Variants in BRF1 observed in about 807,000 individuals in gnomAD.
BRF1 encodes transcription factor IIIB 90 kDa subunit.
Under a neutral mutation model 81.7 loss-of-function variants are expected in BRF1, and 59 were observed. That is an observed-to-expected ratio of 0.72 (90% CI 0.59 to 0.90). The LOEUF is 0.90. Ranked by LOEUF, BRF1 falls within the 40% of genes least tolerant of loss-of-function variation. BRF1 has a pLI of 0.00. For synonymous variants in BRF1, 491 were observed against 395.6 expected, an observed-to-expected ratio of 1.24 and a Z score of -2.86; for missense variants, 1,050 against 936.3, an observed-to-expected ratio of 1.12 and a Z score of -1.58.
chr14:105,242,952 C>A (rs1387277702), intron 5 of BRF1, among the ~76,000 whole-genome samples: 1 of 149,504 alleles, frequency 6.7e-6, no homozygotes, highest in Admixed American at 6.7e-5. Context: ...CCCGTCTCAA[C>A]TAAAATACAA....
At position 105,217,578 on chromosome 14, in the gene BRF1, T is replaced by C; in HGVS notation, c.1738A>G (p.Ser580Gly). 6.2e-7 allele frequency: 1 copy of C among 1,613,544 alleles called. No individual in the cohort carries two copies. The highest frequency in any genetic ancestry group is 8.5e-7 in the Non-Finnish European group (1 of 1,179,984). ...LSRRRTPASR[S>G]GADPVTSVGK... ...ACACTGGTCACAGGGTCAGCCCCAC[T>C]TCTGCTGGCCGGCGTCCTCCTTCGT... Residue 580 changes from serine (S) to glycine (G), a missense_variant, in exon 15 of 18, where the codon AGT (serine) becomes GGT (glycine). Around this residue, in one of 2 missense-constraint regions of BRF1, gnomAD observed 1,043 missense variants for 915.4 expected, o/e 1.14. Transcript: ENST00000547530.
chr14:105,250,022 C>T (rs749575989), intron 5 of BRF1: 9 of 1,612,776 alleles, frequency 5.6e-6, no homozygotes, highest in Non-Finnish European at 7.6e-6. Context: ...AATCACCCCA[C>T]GAAACAAGAG....
chr14:105,307,606 G>A (rs965683295), intron 1 of BRF1, among the ~76,000 whole-genome samples: 1 of 152,114 alleles, frequency 6.6e-6, no homozygotes, highest in Non-Finnish European at 1.5e-5. Flanking sequence ...CAATAGCCCT[G>A]TCCCCCCATG....
In BRF1 at chr14:105,209,628, C is replaced by A; in HGVS notation, c.*923G>T. The A allele has an allele frequency of 1.4e-6, 1 of 695,322 alleles. No homozygotes were observed. The highest frequency in any genetic ancestry group is 2.0e-5 in the Admixed American group (1 of 49,348). 43.1% of individuals were successfully genotyped at this position (695,322 alleles called of 1,614,324 possible). Reference sequence around the variant, plus strand: ...GAAGAGGCCTGGGGAGGCTCTCGGGCCTCCGTCTGCCCTCCCTCCTCGATG... The same window carrying A: ...GAAGAGGCCTGGGGAGGCTCTCGGGACTCCGTCTGCCCTCCCTCCTCGATG... On this transcript the variant is annotated 3_prime_UTR_variant, in exon 18 of 18. Transcript: ENST00000547530.
At chr14:105,288,049 G>A (rs896982724) in intron 1 of BRF1, among the ~76,000 whole-genome samples, 5 of 152,240 alleles carry the variant, frequency 3.3e-5, no homozygotes, top group African/African-American at 9.6e-5. Flanking sequence ...AACAAAGGTG[G>A]TGCCGGGACG....
At chr14:105,299,632 G>A (rs965252502) in intron 1 of BRF1, among the ~76,000 whole-genome samples, 7 of 152,108 alleles carry the variant, frequency 4.6e-5, no homozygotes, top group African/African-American at 1.7e-4. Flanking sequence ...ATTCGGGCAT[G>A]GCAAATAAGC....
intron 2 of BRF1, among the ~76,000 whole-genome samples, chr14:105,279,985 C>G (rs2057002769): frequency 6.6e-6 from 1 of 152,242 alleles, no homozygotes; most frequent in Non-Finnish European, 1.5e-5. Flanking sequence ...TTCCTTGCTG[C>G]TGGGAGCACA....
At chr14:105,221,953 C>T (rs1017053821) in intron 10 of BRF1, 39 bp from the exon 11 acceptor site, 3 of 1,520,550 alleles carry the variant, frequency 2.0e-6, no homozygotes, top group Admixed American at 4.8e-5. Flanking sequence ...AGGCAGAGGG[C>T]CAGGGTGCCC....
chr14:105,250,708 G>C, intron 5 of BRF1: 1 of 1,573,264 alleles, frequency 6.4e-7, no homozygotes. Context: ...CAGCGAGTGA[G>C]TGGAGGGGAA....
chr14:105,219,995 G>T, intron 12 of BRF1, 74 bp downstream of exon 12: 2 of 1,575,252 alleles, frequency 1.3e-6, no homozygotes, highest in African/African-American at 1.3e-5. Context: ...AACCCCGCCC[G>T]ACCACTCAGG....
At chr14:105,289,838 G>A (rs906526731) in intron 1 of BRF1, among the ~76,000 whole-genome samples, 4 of 152,092 alleles carry the variant, frequency 2.6e-5, no homozygotes, top group Non-Finnish European at 4.4e-5. Context: ...GTTTCACCAC[G>A]TTGGCCAGGC....
chr14:105,305,195 G>A (rs1041719232), upstream of BRF1, among the ~76,000 whole-genome samples: 1 of 152,038 alleles, frequency 6.6e-6, no homozygotes, highest in Non-Finnish European at 1.5e-5. Flanking sequence ...GAGTCCAGGA[G>A]TTTGAGACCA....
chr14:105,219,901 TGG>T (rs34885040), intron 12 of BRF1, 166 bp downstream of exon 12: 8 of 676,384 alleles, frequency 1.2e-5, no homozygotes, highest in African/African-American at 3.6e-5. Flanking sequence ...GAAGAGAGTG[TGG>T]GGGGGGGTCC....
intron 2 of BRF1, among the ~76,000 whole-genome samples, chr14:105,281,643 G>A (rs757674447): frequency 4.6e-5 from 7 of 152,164 alleles, no homozygotes; most frequent in Non-Finnish European, 8.8e-5. Flanking sequence ...GGGCACTGAC[G>A]GGGTCAGGGG....
chr14:105,297,824 G>A (rs1344131992), intron 1 of BRF1, among the ~76,000 whole-genome samples: 1 of 151,754 alleles, frequency 6.6e-6, no homozygotes, highest in African/African-American at 2.4e-5. Flanking sequence ...GTGAAACCCC[G>A]TCTCTACTAA....
intron 3 of BRF1, among the ~76,000 whole-genome samples, chr14:105,257,108 A>AC (rs1364848815): frequency 6.6e-6 from 1 of 152,018 alleles, no homozygotes; most frequent in Non-Finnish European, 1.5e-5. Context: ...AGGTGTGGGG[A>AC]CCCCGCACAG....
At chr14:105,217,299 A>G (rs1891487532) in intron 15 of BRF1, 1 of 613,386 alleles carries the variant, frequency 1.6e-6, no homozygotes, top group Non-Finnish European at 2.8e-6. Context: ...AACAGAGCCT[A>G]GGCTGCAGGA....
In BRF1 at chr14:105,300,503, A is replaced by G; in HGVS notation, c.127T>C (p.Phe43Leu). The change falls in exon 1 of 18, where the codon TTC becomes CTC. Residue 43 changes from phenylalanine (F) to leucine (L), a missense_variant. Phe to Leu is a conservative substitution (Grantham distance 22). Coordinates refer to ENST00000547530, the MANE Select transcript of BRF1 (RefSeq NM_001519.4). ...GAGCCGCCGCCGCTGCTCTCCACGA[A>G]CTGCACCTCGGACACGATGATGTTG... ...EDNIIVSEVQ[F>L]VESSGGGSSA... 1 of 1,537,168 alleles carries G rather than the reference A, an allele frequency of 6.5e-7. No individual in the cohort carries two copies. Among genetic ancestry groups the G allele is most frequent in the Non-Finnish European group, 8.7e-7 (1 of 1,144,478 alleles).
At chr14:105,244,413 T>C (rs2054932034) in intron 5 of BRF1, among the ~76,000 whole-genome samples, 1 of 152,122 alleles carries the variant, frequency 6.6e-6, no homozygotes, top group Non-Finnish European at 1.5e-5. Flanking sequence ...CACTGCATTC[T>C]AGCCTAGGTG....
Sources: gnomAD v4.1 joint callset for allele counts (sites outside exome capture counted in the v4.1 genomes callset) on GRCh38, gnomAD v4.1.1 for gene constraint, gnomAD v4.1.1 regional missense constraint, MANE v1.5 for transcripts, NCBI Gene and HGNC (gene_info 2026-07-23, HGNC 2026-07-21) for gene names.